ITGA6: variants seen among roughly 807,000 people sequenced by gnomAD.
The protein encoded by ITGA6 is integrin subunit alpha 6.
In ITGA6, 63 loss-of-function variants were observed where a neutral mutation model predicts 133.6. The observed-to-expected ratio is 0.47, with a 90% CI of 0.38 to 0.58. The LOEUF (loss-of-function observed/expected upper bound fraction) is 0.58, where lower values mean the gene tolerates loss of function less well. Ranked by LOEUF, ITGA6 falls within the 20% of genes least tolerant of loss-of-function variation. The pLI is 0.00. For missense variants in ITGA6, 1,068 were observed against 1,309.4 expected (o/e 0.82, Z 2.85); for synonymous variants, 434 against 482.0 (o/e 0.90, Z 1.30).
intron 11 of ITGA6, among the ~76,000 whole-genome samples, chr2:172,482,364 C>T (rs1055118275): frequency 6.6e-6 from 1 of 152,176 alleles, no homozygotes; most frequent in Non-Finnish European, 1.5e-5. Flanking sequence ...AATCTTCTCC[C>T]AGTAGCCAAG....
At chr2:172,437,950 T>C (rs1345849660) in intron 1 of ITGA6, among the ~76,000 whole-genome samples, 1 of 151,568 alleles carries the variant, frequency 6.6e-6, no homozygotes, top group Non-Finnish European at 1.5e-5. Flanking sequence ...AGATTGGCAA[T>C]GTAGAAGCCA....
chr2:172,434,926 C>G (rs1684253307), intron 1 of ITGA6, among the ~76,000 whole-genome samples: 1 of 151,870 alleles, frequency 6.6e-6, no homozygotes, highest in African/African-American at 2.4e-5. Context: ...CCCAGTAATG[C>G]CTCTTTACCC....
intron 1 of ITGA6, among the ~76,000 whole-genome samples, chr2:172,462,060 G>A (rs1404756649): frequency 6.6e-6 from 1 of 152,338 alleles, no homozygotes; most frequent in Admixed American, 6.5e-5. Flanking sequence ...ACCAGGGAGG[G>A]CAGCTTTACC....
chr2:172,483,967 A>C lies in ITGA6; in HGVS notation c.1550-815A>C, dbSNP rs545507839. On this transcript the variant is annotated intron_variant, in intron 11 of 25. Transcript: ENST00000684293. ...CTGGGATTACAGGCATGCGCCACCA[A>C]GCCCAGCTAATTTTTGTATTTTTAG... Among the ~76,000 whole-genome samples, 155 of 152,110 alleles carry C rather than the reference A, an allele frequency of 1.0e-3. No homozygotes were observed. In the Middle Eastern group the frequency reaches 0.01, roughly 10 times the overall value.
chr2:172,449,546 A>T (rs1012619490), intron 1 of ITGA6, among the ~76,000 whole-genome samples: 1 of 152,284 alleles, frequency 6.6e-6, no homozygotes, highest in South Asian at 2.1e-4. Flanking sequence ...GACTTTCACG[A>T]TCTCAGGTAC....
At chr2:172,437,726 A>C (rs1475397158) in intron 1 of ITGA6, among the ~76,000 whole-genome samples, 1 of 152,206 alleles carries the variant, frequency 6.6e-6, no homozygotes, top group Non-Finnish European at 1.5e-5. Flanking sequence ...GGTTGTGTTT[A>C]GAATGATGAA....
At chr2:172,445,075 G>T (rs146618443) in intron 1 of ITGA6, among the ~76,000 whole-genome samples, 10,186 of 151,664 alleles carry the variant, frequency 0.067, 445 homozygotes, top group East Asian at 0.26. Flanking sequence ...AAGTGATTCT[G>T]CTGTCTCAGC....
chr2:172,457,757 G>C lies in ITGA6; in HGVS notation c.183-7782G>C, dbSNP rs534478840. On this transcript the variant is annotated intron_variant, in intron 1 of 25. Transcript: ENST00000684293. ...GGGGAAAGGCATCCCCCTTCAAACTGGGGGGGAAGCTAGGCTGGGATGAAA... is the reference window on the plus strand; with the variant it reads ...GGGGAAAGGCATCCCCCTTCAAACTCGGGGGGAAGCTAGGCTGGGATGAAA... Among the ~76,000 whole-genome samples the C allele has an allele frequency of 1.6e-3, 245 of 151,804 alleles. 1 individual carries two copies. The Middle Eastern group carries it at 0.017, about 11-fold the overall frequency.
chr2:172,465,597 G>GA lies in ITGA6; in HGVS notation c.241_242insA (p.Gly81GlufsTer20). ...TCCACTGCAGAGAGCCAACAGAACGGGAGGGCTGTACAGCTGCGACATCAC... is the reference window on the plus strand; with the variant it reads ...TCCACTGCAGAGAGCCAACAGAACGGAGAGGGCTGTACAGCTGCGACATCAC... On this transcript the variant is annotated frameshift_variant, in exon 2 of 26. Coordinates refer to ENST00000684293, the MANE Select transcript of ITGA6 (RefSeq NM_000210.4). LOFTEE classifies it high-confidence loss of function. 6.2e-7 allele frequency: 1 copy of GA among 1,614,260 alleles called. No individual in the cohort carries two copies. Among genetic ancestry groups the GA allele is most frequent in the Non-Finnish European group, 8.5e-7 (1 of 1,180,052 alleles).
rs1344285544 is a variant in ITGA6, at chr2:172,504,734, C to G, written c.*666C>G. Reference sequence around the variant, plus strand: ...TTTCAACGGAAAGTGCTGTCTTAAACTAAATGTGCAATAGAAGGTGATGTT... The same window carrying G: ...TTTCAACGGAAAGTGCTGTCTTAAAGTAAATGTGCAATAGAAGGTGATGTT... On this transcript the variant is annotated 3_prime_UTR_variant, in exon 26 of 26. Transcript: ENST00000684293. The G allele has an allele frequency of 6.5e-6, 1 of 152,940 alleles. No homozygotes were observed. The highest frequency in any genetic ancestry group is 2.4e-5 in the African/African-American group (1 of 41,472). 9.5% of individuals were successfully genotyped at this position (152,940 alleles called of 1,614,324 possible). A position where few individuals can be genotyped will look rare whatever the true frequency, so the allele number is the denominator to read the frequency against.
chr2:172,470,195 A>C (rs1241235115), intron 4 of ITGA6, among the ~76,000 whole-genome samples: 1 of 152,148 alleles, frequency 6.6e-6, no homozygotes, highest in African/African-American at 2.4e-5. Flanking sequence ...TGTGGTTCTA[A>C]ATGACTCTTG....
At chr2:172,428,150 G>A in intron 1 of ITGA6, 180 bp downstream of exon 1, 2 of 369,056 alleles carry the variant, frequency 5.4e-6, no homozygotes, top group South Asian at 1.3e-4. Flanking sequence ...CGCCCCGCGC[G>A]GCGCCTCCCT....
chr2:172,477,139 GA>G (rs1686212396), intron 9 of ITGA6, among the ~76,000 whole-genome samples: 1 of 152,176 alleles, frequency 6.6e-6, no homozygotes, highest in East Asian at 1.9e-4. Flanking sequence ...AAAAGCTGTG[GA>G]AAACATTCTT....
intron 25 of ITGA6, 37 bp from the exon 26 acceptor site, chr2:172,504,054 A>ATTAATTTGTT: frequency 6.7e-7 from 1 of 1,503,656 alleles, no homozygotes; most frequent in Non-Finnish European, 8.9e-7. Flanking sequence ...TCTTTGTGAG[A>ATTAATTTGTT]TTAATTTGTT....
chr2:172,427,719 A>G lies in ITGA6; in HGVS notation c.-70A>G. 1 of 1,418,282 alleles carries G rather than the reference A, an allele frequency of 7.1e-7. No individual in the cohort carries two copies. The highest frequency in any genetic ancestry group is 9.2e-7 in the Non-Finnish European group (1 of 1,087,494). 87.9% of individuals were successfully genotyped at this position (1,418,282 alleles called of 1,614,324 possible). On this transcript the variant is annotated 5_prime_UTR_variant, in exon 1 of 26. Transcript: ENST00000684293. The stretch of plus-strand genomic sequence containing the variant: ...GTGGCTGCGGTAGCAGCAGCGCGGC[A>G]GCCTCGGACCCAGCCCGGAGCGCAG...
intron 9 of ITGA6, among the ~76,000 whole-genome samples, chr2:172,478,326 A>G (rs1023718410): frequency 7.9e-5 from 12 of 152,226 alleles, no homozygotes; most frequent in African/African-American, 2.9e-4. Flanking sequence ...AGTTCGAGCT[A>G]GCTGTTTGGG....
At chr2:172,481,701 A>G (rs1686448887) in intron 11 of ITGA6, among the ~76,000 whole-genome samples, 1 of 152,174 alleles carries the variant, frequency 6.6e-6, no homozygotes, top group African/African-American at 2.4e-5. Context: ...TGCACGAAGC[A>G]TTCTTAGAGT....
intron 9 of ITGA6, among the ~76,000 whole-genome samples, chr2:172,477,317 A>G (rs1053761848): frequency 6.6e-6 from 1 of 152,098 alleles, no homozygotes; most frequent in African/African-American, 2.4e-5. Flanking sequence ...CGCTTTCATC[A>G]CTGCTGGAAA....
At chr2:172,441,356 TA>T (rs1375901087) in intron 1 of ITGA6, among the ~76,000 whole-genome samples, 1 of 152,066 alleles carries the variant, frequency 6.6e-6, no homozygotes, top group Non-Finnish European at 1.5e-5. Context: ...CCTAGAGCTT[TA>T]ACAGAGCCTG....
Sources: allele counts gnomAD v4.1 joint callset (sites outside exome capture counted in the v4.1 genomes callset), GRCh38; gene constraint gnomAD v4.1.1; transcripts MANE v1.5; gene names NCBI Gene and HGNC (gene_info 2026-07-23, HGNC 2026-07-21).